Variants in CNBD1 observed in about 807,000 individuals in gnomAD.
CNBD1 encodes cyclic nucleotide binding domain containing 1, also known as cyclic nucleotide-binding domain-containing protein 1.
In CNBD1, 71 loss-of-function variants were observed where a neutral mutation model predicts 54.4. That is an observed-to-expected ratio of 1.30 (90% CI 1.08 to 1.59). CNBD1 has a LOEUF of 1.59. Among genes scored for constraint, CNBD1 ranks in the 40% most tolerant of loss-of-function variants. The pLI, the probability that CNBD1 is intolerant of heterozygous loss-of-function variation, is 0.00. For missense variants in CNBD1, 659 were observed against 518.0 expected (o/e 1.27, Z -2.64); for synonymous variants, 182 against 170.7 (o/e 1.07, Z -0.51).
At chr8:87,095,443 G>T (rs903109745) in intron 4 of CNBD1, among the ~76,000 whole-genome samples, 1 of 152,126 alleles carries the variant, frequency 6.6e-6, no homozygotes. Flanking sequence ...CCTTCACTCT[G>T]ACTAGATTAG....
At chr8:87,343,108 C>T (rs1182581267) in intron 8 of CNBD1, among the ~76,000 whole-genome samples, 1 of 152,146 alleles carries the variant, frequency 6.6e-6, no homozygotes, top group East Asian at 1.9e-4. Flanking sequence ...GATATTTCTC[C>T]TACTTGCTTT....
intron 4 of CNBD1, among the ~76,000 whole-genome samples, chr8:86,972,050 T>A (rs1808231915): frequency 6.6e-6 from 1 of 152,024 alleles, no homozygotes; most frequent in African/African-American, 2.4e-5. Context: ...CCTCCTGGGT[T>A]CAAGCAGTTC....
At chr8:87,220,083 T>C (rs1237073437) in intron 5 of CNBD1, among the ~76,000 whole-genome samples, 1 of 152,076 alleles carries the variant, frequency 6.6e-6, no homozygotes, top group Non-Finnish European at 1.5e-5. Flanking sequence ...TAATAATTAA[T>C]AGGTTGTTAC....
chr8:87,385,582 C>T (rs972664214), downstream of CNBD1, among the ~76,000 whole-genome samples: 9 of 152,050 alleles, frequency 5.9e-5, no homozygotes, highest in African/African-American at 9.7e-5. Flanking sequence ...GGGCGCCCAC[C>T]GTTGCCGAGG....
chr8:87,239,602 C>T (rs556984716), intron 6 of CNBD1, among the ~76,000 whole-genome samples: 1 of 152,254 alleles, frequency 6.6e-6, no homozygotes, highest in Non-Finnish European at 1.5e-5. Flanking sequence ...TCTTCAATTT[C>T]ACCCTCCAAC....
rs71277907 is a variant in CNBD1 at position 86,978,534 on chromosome 8, CTTTTTTTTTTTTTT to C, written c.431+38792_431+38805del. Among the ~76,000 whole-genome samples the C allele has an allele frequency of 6.0e-5, 4 of 66,718 alleles. No individual in the cohort carries two copies. The South Asian group carries it at 2.2e-3, about 37-fold the overall frequency. 43.8% of individuals were successfully genotyped at this position (66,718 alleles called of 152,430 possible). The stretch of plus-strand genomic sequence containing the variant: ...ACATTTGTAAAGGACATGCTTTTAT[CTTTTTTTTTTTTTT>C]TTTTTTTTTTTGAGGCGAAGTTTCG... On this transcript the variant is annotated intron_variant, in intron 4 of 10. Coordinates refer to ENST00000518476, the MANE Select transcript of CNBD1 (RefSeq NM_173538.3).
chr8:87,145,126 A>G (rs1812456314), intron 4 of CNBD1, among the ~76,000 whole-genome samples: 1 of 152,166 alleles, frequency 6.6e-6, no homozygotes, highest in African/African-American at 2.4e-5. Flanking sequence ...GTCAAAAGAA[A>G]TTTTTATTTA....
At chr8:87,315,057 A>G (rs1468106391) in intron 8 of CNBD1, among the ~76,000 whole-genome samples, 1 of 152,116 alleles carries the variant, frequency 6.6e-6, no homozygotes, top group East Asian at 1.9e-4. Context: ...CTTAGAAAAT[A>G]CTTTCAAAAT....
chr8:87,412,430 T>C (rs1481633394), intron 2 of CNBD1, among the ~76,000 whole-genome samples: 1 of 152,088 alleles, frequency 6.6e-6, no homozygotes, highest in African/African-American at 2.4e-5. Flanking sequence ...ATAAAAGAAA[T>C]GTGCCTATCA....
intron 2 of CNBD1, among the ~76,000 whole-genome samples, chr8:87,415,562 A>C (rs1807821118): frequency 6.6e-6 from 1 of 152,012 alleles, no homozygotes; most frequent in Admixed American, 6.6e-5. Flanking sequence ...TCAGTGTTGA[A>C]CAAGGCATGT....
chr8:86,957,166 C>T (rs1807798443), intron 4 of CNBD1, among the ~76,000 whole-genome samples: 1 of 152,166 alleles, frequency 6.6e-6, no homozygotes, highest in African/African-American at 2.4e-5. Context: ...CCTTGCATCC[C>T]AGGGATGAAG....
At chr8:87,214,858 TG>T (rs1814175245) in intron 5 of CNBD1, among the ~76,000 whole-genome samples, 2 of 152,146 alleles carry the variant, frequency 1.3e-5, no homozygotes, top group African/African-American at 4.8e-5. Context: ...ACTGCCCCCA[TG>T]ATTCAGTTAT....
chr8:87,097,976 C>T (rs1811352658), intron 4 of CNBD1, among the ~76,000 whole-genome samples: 1 of 152,152 alleles, frequency 6.6e-6, no homozygotes, highest in East Asian at 1.9e-4. Context: ...ATGAGTATAA[C>T]ATTGTTATGC....
At chr8:87,364,576 T>A (rs760810194) in intron 10 of CNBD1, among the ~76,000 whole-genome samples, 2 of 151,916 alleles carry the variant, frequency 1.3e-5, no homozygotes, top group East Asian at 1.9e-4. Context: ...AGTGTATAGA[T>A]TTTTTTGTCA....
intron 4 of CNBD1, among the ~76,000 whole-genome samples, chr8:87,179,040 A>T (rs1813257151): frequency 6.6e-6 from 1 of 152,072 alleles, no homozygotes. Context: ...CCCAAGTAGC[A>T]GCTGAGACTA....
chr8:87,333,816 G>T (rs996835617), intron 8 of CNBD1, among the ~76,000 whole-genome samples: 1 of 152,068 alleles, frequency 6.6e-6, no homozygotes, highest in Non-Finnish European at 1.5e-5. Flanking sequence ...AGGGATATTG[G>T]CCTGAAGTTT....
chr8:87,255,509 T>C (rs1807992823), intron 6 of CNBD1, among the ~76,000 whole-genome samples: 1 of 152,120 alleles, frequency 6.6e-6, no homozygotes, highest in Admixed American at 6.6e-5. Flanking sequence ...ATTTAATATA[T>C]AGATTTGATA....
intron 6 of CNBD1, among the ~76,000 whole-genome samples, chr8:87,272,757 G>A (rs1057251486): frequency 6.6e-6 from 1 of 151,906 alleles, no homozygotes; most frequent in East Asian, 1.9e-4. Context: ...GAGCAGTTGT[G>A]TATGAATACA....
chr8:87,406,688 C>G (rs1426541932), intron 2 of CNBD1, among the ~76,000 whole-genome samples: 1 of 152,034 alleles, frequency 6.6e-6, no homozygotes, highest in African/African-American at 2.4e-5. Context: ...CCATGTTGGT[C>G]AGGCTGGTCT....
Sources: gnomAD v4.1 joint callset for allele counts (sites outside exome capture counted in the v4.1 genomes callset) on GRCh38, gnomAD v4.1.1 for gene constraint, MANE v1.5 for transcripts, NCBI Gene and HGNC (gene_info 2026-07-23, HGNC 2026-07-21) for gene names.